The following ALDH1A1 variants were observed in gnomAD, a reference collection of about 807,000 sequenced individuals.
ALDH1A1 encodes aldehyde dehydrogenase 1 family member A1.
A neutral mutation model predicts 62.1 loss-of-function variants in ALDH1A1; 19 were observed. The observed-to-expected ratio is 0.31, with a 90% CI of 0.21 to 0.45. The LOEUF (loss-of-function observed/expected upper bound fraction) is 0.45, where lower values mean the gene tolerates loss of function less well. Among genes scored for constraint, ALDH1A1 ranks in the 20% least tolerant of loss-of-function variants. The pLI is 1.00. For missense variants in ALDH1A1, 521 were observed against 607.1 expected (o/e 0.86, Z 1.49); for synonymous variants, 231 against 215.9 (o/e 1.07, Z -0.61).
intron 11 of ALDH1A1, among the ~76,000 whole-genome samples, chr9:72,908,941 C>G (rs1888203): frequency 1.3e-5 from 2 of 151,856 alleles, no homozygotes; most frequent in African/African-American, 4.8e-5. Context: ...GTAAGAAGGC[C>G]GATATAAGAA....
At position 72,902,611 on chromosome 9, in the gene ALDH1A1, T is replaced by A. The variant is rs8187992; in HGVS notation, c.1434-1331A>T. ...AGGGTTAGATCAATCAACCCATGAC[T>A]TTCGCCAATAGGCTTTCCATTGTAT... On this transcript the variant is annotated intron_variant, in intron 12 of 12. Transcript: ENST00000297785. 2.4e-3 allele frequency among the ~76,000 whole-genome samples: 369 copies of A among 152,176 alleles called. 2 individuals are homozygous for A. The highest frequency in any genetic ancestry group is 3.4e-3 in the Non-Finnish European group (229 of 67,928).
At chr9:72,908,864 G>A (rs2118489151) in intron 11 of ALDH1A1, among the ~76,000 whole-genome samples, 1 of 152,212 alleles carries the variant, frequency 6.6e-6, no homozygotes, top group South Asian at 2.1e-4. Flanking sequence ...TCAAAAATGG[G>A]AGAGGGAGGG....
chr9:72,913,361 G>T (rs1564625652), intron 9 of ALDH1A1, among the ~76,000 whole-genome samples: 1 of 151,894 alleles, frequency 6.6e-6, no homozygotes, highest in Non-Finnish European at 1.5e-5. Context: ...AGCAGATTAA[G>T]AAAAAAATAG....
chr9:72,903,057 A>T (rs1829828104), intron 12 of ALDH1A1, among the ~76,000 whole-genome samples: 2 of 152,044 alleles, frequency 1.3e-5, no homozygotes, highest in South Asian at 4.1e-4. Flanking sequence ...GGCACAGAAG[A>T]ACTGTTTGCT....
chr9:72,928,730 T>C (rs777393981), intron 4 of ALDH1A1, among the ~76,000 whole-genome samples, 162 bp downstream of exon 4: 3 of 152,202 alleles, frequency 2.0e-5, no homozygotes, highest in African/African-American at 7.2e-5. Context: ...TGAATTTTAA[T>C]AGAACTTCTA....
chr9:72,905,913 T>C lies in ALDH1A1; in HGVS notation c.1433+45A>G, dbSNP rs755750614. On this transcript the variant is annotated intron_variant, in intron 12 of 12. Coordinates refer to ENST00000297785, the MANE Select transcript of ALDH1A1 (RefSeq NM_000689.5). The stretch of plus-strand genomic sequence containing the variant: ...GTTAATTCCCTGGGAATGAAAATCA[T>C]TTTCATAAAAATAAATATTTATCTT... 4.1e-6 allele frequency: 6 copies of C among 1,470,552 alleles called. No individual in the cohort carries two copies. In the South Asian group the frequency reaches 7.6e-5, roughly 19 times the overall value. The allele number at this position is 1,470,552 out of a possible 1,614,324, so 91.1% of individuals were successfully genotyped here.
rs888608274 is a variant in ALDH1A1, at chr9:72,952,482, A to T, written c.66+453T>A. 4.6e-5 allele frequency among the ~76,000 whole-genome samples: 7 copies of T among 152,030 alleles called. No individual in the cohort carries two copies. In the South Asian group the frequency reaches 1.4e-3, roughly 31 times the overall value. On this transcript the variant is annotated intron_variant, in intron 1 of 12. Transcript: ENST00000297785. ...TATCAGACTTAAGTCCCCCTATTTT[A>T]ACACTCATTTTATTAAACATATTGG...
chr9:72,933,288 GAAGT>G (rs1342036494), intron 2 of ALDH1A1, among the ~76,000 whole-genome samples: 4 of 152,164 alleles, frequency 2.6e-5, no homozygotes, highest in Non-Finnish European at 4.4e-5. Flanking sequence ...ACAGCAGAGT[GAAGT>G]AAGAAGATTG....
intron 8 of ALDH1A1, 31 bp downstream of exon 8, chr9:72,918,689 A>G (rs1292592011): frequency 4.4e-6 from 6 of 1,377,460 alleles, no homozygotes; most frequent in Non-Finnish European, 5.9e-6. Flanking sequence ...ACGATGAAGG[A>G]CGAAAAGTTA....
chr9:72,943,446 TTTAGA>T (rs565097165), intron 1 of ALDH1A1, among the ~76,000 whole-genome samples: 58 of 152,176 alleles, frequency 3.8e-4, no homozygotes, highest in Non-Finnish European at 6.5e-4. Context: ...AAACTGCCAC[TTTAGA>T]TTAAAGCCAG....
intron 7 of ALDH1A1, among the ~76,000 whole-genome samples, chr9:72,920,074 C>CA (rs1830119801): frequency 6.6e-6 from 1 of 151,612 alleles, no homozygotes; most frequent in Non-Finnish European, 1.5e-5. Context: ...TTCTAGGTTT[C>CA]TTTTTTTTAC....
At chr9:72,913,192 T>G (rs1830013248) in intron 9 of ALDH1A1, among the ~76,000 whole-genome samples, 1 of 152,202 alleles carries the variant, frequency 6.6e-6, no homozygotes, top group Non-Finnish European at 1.5e-5. Flanking sequence ...TATTTCTAAC[T>G]GAATACAGCT....
At chr9:72,940,382 T>C (rs1830402034) in intron 1 of ALDH1A1, 130 bp from the exon 2 acceptor site, 2 of 670,564 alleles carry the variant, frequency 3.0e-6, no homozygotes, top group Admixed American at 2.4e-5. Flanking sequence ...CTCAAAACTT[T>C]CTGGCTGTTT....
intron 11 of ALDH1A1, 40 bp from the exon 12 acceptor site, chr9:72,906,072 G>T: frequency 6.7e-7 from 1 of 1,499,616 alleles, no homozygotes; most frequent in Non-Finnish European, 9.1e-7. Flanking sequence ...AATACTTAAG[G>T]TGTGAAAAAA....
intron 7 of ALDH1A1, among the ~76,000 whole-genome samples, chr9:72,920,872 C>T (rs998369922): frequency 6.6e-6 from 1 of 152,190 alleles, no homozygotes; most frequent in Non-Finnish European, 1.5e-5. Flanking sequence ...GTGGCATTGC[C>T]ATGTGGAGCA....
At chr9:72,935,067 G>C (rs573606659) in intron 2 of ALDH1A1, among the ~76,000 whole-genome samples, 27 of 152,130 alleles carry the variant, frequency 1.8e-4, no homozygotes, top group African/African-American at 6.3e-4. Context: ...TTTTATATAA[G>C]GGGTGCCTTA....
intron 2 of ALDH1A1, among the ~76,000 whole-genome samples, chr9:72,933,084 A>G (rs1203298404): frequency 6.6e-6 from 1 of 152,210 alleles, no homozygotes; most frequent in East Asian, 1.9e-4. Flanking sequence ...CTCACATCTT[A>G]TATGTAATCT....
At chr9:72,908,559 GAAAGAAAGAAAGAAAGA>G (rs1564622555) in intron 11 of ALDH1A1, among the ~76,000 whole-genome samples, 91 of 8,632 alleles carry the variant, frequency 0.011, no homozygotes, top group African/African-American at 0.013. Context: ...AAAGAAGAAA[GAAAGAAAGAAAGAAAGA>G]AAGAAAGAAA....
intron 11 of ALDH1A1, among the ~76,000 whole-genome samples, chr9:72,907,673 T>G (rs1262892023): frequency 6.6e-6 from 1 of 152,242 alleles, no homozygotes; most frequent in Non-Finnish European, 1.5e-5. Flanking sequence ...ATCTGTCTTC[T>G]GCAAGCGTTT....
Sources: allele counts gnomAD v4.1 joint callset (sites outside exome capture counted in the v4.1 genomes callset), GRCh38; gene constraint gnomAD v4.1.1; transcripts MANE v1.5; gene names NCBI Gene and HGNC (gene_info 2026-07-23, HGNC 2026-07-21).